GTF3C1: variants seen among roughly 807,000 people sequenced by gnomAD.
GTF3C1 encodes general transcription factor IIIC subunit 1.
In GTF3C1, 57 loss-of-function variants were observed where a neutral mutation model predicts 226.7. That is an observed-to-expected ratio of 0.25 (90% confidence interval 0.20 to 0.31). GTF3C1 has a LOEUF of 0.31. Among genes scored for constraint, GTF3C1 ranks in the 10% least tolerant of loss-of-function variants. The pLI is 1.00. For synonymous variants in GTF3C1, 1,090 were observed against 1,084.8 expected, an observed-to-expected ratio of 1.00 and a Z score of -0.09; for missense variants, 2,217 against 2,776.1, an observed-to-expected ratio of 0.80 and a Z score of 4.53.
At position 27,528,615 on chromosome 16, in the gene GTF3C1, G is replaced by T; in HGVS notation, c.956C>A (p.Pro319His). The stretch of plus-strand genomic sequence containing the variant: ...TGCATTACCTTTCTTTGTCTTACAA[G>T]GTCCACATTCAGGGTGGATCTCTTG... ...RLQEIHPECGPCKTKKGTDVM... is the reference protein window; with the variant it reads ...RLQEIHPECGHCKTKKGTDVM... Residue 319 changes from proline (P) to histidine (H), a missense_variant, in exon 6 of 37, where the codon CCT (proline) becomes CAT (histidine). Transcript: ENST00000356183. 1.2e-6 allele frequency: 2 copies of T among 1,612,648 alleles called. No individual in the cohort carries two copies. Among genetic ancestry groups the T allele is most frequent in the Non-Finnish European group, 1.7e-6 (2 of 1,178,700 alleles).
At position 27,506,981 on chromosome 16, in the gene GTF3C1, G is replaced by C; in HGVS notation, c.1418C>G (p.Thr473Ser). 6.2e-7 allele frequency: 1 copy of C among 1,613,798 alleles called. No individual in the cohort carries two copies. The highest frequency in any genetic ancestry group is 1.1e-5 in the South Asian group (1 of 91,052). ...EESLLPEGED[T>S]FLSESDSEEE... ...CTCACTGTCCGACTCAGAGAGGAAG[G>C]TGTCCTCGCCTTCAGGCAGAAGCGA... The change falls in exon 9 of 37, where the codon ACC becomes AGC. Residue 473 changes from threonine to serine, a missense_variant. By Grantham distance (58) the Thr-to-Ser change is moderately conservative. Around this residue, in one of 12 missense-constraint regions of GTF3C1, gnomAD observed 173 missense variants for 207.2 expected, o/e 0.83. Coordinates refer to ENST00000356183, the MANE Select transcript of GTF3C1 (RefSeq NM_001520.4).
intron 32 of GTF3C1, among the ~76,000 whole-genome samples, chr16:27,468,567 G>A (rs1474157823): frequency 1.3e-5 from 2 of 152,112 alleles, no homozygotes; most frequent in African/African-American, 4.8e-5. Context: ...AGCTATCATC[G>A]TGCCACTGCA....
intron 26 of GTF3C1, among the ~76,000 whole-genome samples, chr16:27,481,513 C>T (rs1161608786): frequency 6.6e-6 from 1 of 152,190 alleles, no homozygotes; most frequent in East Asian, 1.9e-4. Context: ...CCACACAGTG[C>T]TCCCTCACAG....
chr16:27,549,682 T>A lies in GTF3C1; in HGVS notation c.209A>T (p.Gln70Leu). 1 of 1,380,182 alleles carries A rather than the reference T, an allele frequency of 7.2e-7. No individual in the cohort carries two copies. The highest frequency in any genetic ancestry group is 9.7e-7 in the Non-Finnish European group (1 of 1,029,362). The allele number at this position is 1,380,182 out of a possible 1,614,324, so 85.5% of individuals were successfully genotyped here. ...YEEPRERPDL[Q>L]LQDRYEEIDL... is the part of the protein sequence containing the mutation. The stretch of plus-strand genomic sequence containing the variant: ...GCCGCCCGCTGACCGGTCCTGGAGC[T>A]GTAGGTCGGGTCGCTCCCGAGGCTC... The change falls in exon 1 of 37, where the codon CAG (glutamine) becomes CTG (leucine). Residue 70 changes from glutamine (Q) to leucine (L), a missense_variant. Transcript: ENST00000356183.
At position 27,549,664 on chromosome 16, in the gene GTF3C1, G is replaced by T; in HGVS notation, c.221+6C>A. On this transcript the variant is annotated splice_donor_region_variant and intron_variant, in intron 1 of 36. Coordinates refer to ENST00000356183, the MANE Select transcript of GTF3C1 (RefSeq NM_001520.4). ...GCCCGCCCGCCAGGCCAGGCCGCCC[G>T]CTGACCGGTCCTGGAGCTGTAGGTC... The T allele has an allele frequency of 3.0e-6, 2 of 667,734 alleles. No homozygotes were observed. The highest frequency in any genetic ancestry group is 2.3e-6 in the Non-Finnish European group (1 of 428,974). The allele number at this position is 667,734 out of a possible 1,614,324, so 41.4% of individuals were successfully genotyped here.
At chr16:27,530,441 A>G (rs575051564) in intron 5 of GTF3C1, among the ~76,000 whole-genome samples, 4 of 152,170 alleles carry the variant, frequency 2.6e-5, no homozygotes, top group African/African-American at 9.7e-5. Context: ...AGGGGCTGCC[A>G]TCAACGACGT....
chr16:27,513,471 A>G (rs540407696), intron 6 of GTF3C1, among the ~76,000 whole-genome samples: 164 of 152,280 alleles, frequency 1.1e-3, no homozygotes, highest in African/African-American at 3.9e-3. Flanking sequence ...AACACTGAAC[A>G]ACAACAACAA....
At chr16:27,483,164 C>G in intron 25 of GTF3C1, 39 bp from the exon 26 acceptor site, 1 of 1,573,950 alleles carries the variant, frequency 6.4e-7, no homozygotes, top group Non-Finnish European at 8.7e-7. Flanking sequence ...CTGGGAATTG[C>G]AATGATGCCC....
chr16:27,511,612 AC>A (rs1041738973), intron 7 of GTF3C1, 136 bp downstream of exon 7: 1 of 869,862 alleles, frequency 1.1e-6, no homozygotes, highest in African/African-American at 1.7e-5. Context: ...TGAAGCCTAA[AC>A]CCTTCTGGGG....
rs577732882 is a variant in GTF3C1 at position 27,513,462 on chromosome 16, A to C, written c.974-1561T>G. On this transcript the variant is annotated intron_variant, in intron 6 of 36. Coordinates refer to ENST00000356183, the MANE Select transcript of GTF3C1 (RefSeq NM_001520.4). ...GAGTGAGACCCTGTCTCAAAATAAA[A>C]CACTGAACAACAACAACAAAAAGTC... 5.3e-5 allele frequency among the ~76,000 whole-genome samples: 8 copies of C among 152,276 alleles called. No homozygotes were observed. The East Asian group carries it at 1.4e-3, about 26-fold the overall frequency.
chr16:27,498,993 GAC>G (rs1472333601), intron 12 of GTF3C1, among the ~76,000 whole-genome samples: 22 of 152,184 alleles, frequency 1.4e-4, no homozygotes, highest in Admixed American at 1.3e-3. Context: ...ATCTGGCCTG[GAC>G]ACAGAGCTGT....
At chr16:27,513,408 C>T (rs62029079) in intron 6 of GTF3C1, among the ~76,000 whole-genome samples, 12,363 of 152,122 alleles carry the variant, frequency 0.081, 622 homozygotes, top group African/African-American at 0.1. Context: ...GAGCCAAGCT[C>T]GCACCACTGC....
At chr16:27,495,160 C>A (rs753654829) in intron 15 of GTF3C1, 51 bp downstream of exon 15, 14 of 1,380,618 alleles carry the variant, frequency 1.0e-5, no homozygotes, top group Non-Finnish European at 1.3e-5. Context: ...TCCCTGGATC[C>A]TACTACTGGG....
In GTF3C1 at chr16:27,465,026, CTT is replaced by C. The variant is rs1394267294; in HGVS notation, c.5356-192_5356-191del. On this transcript the variant is annotated intron_variant, in intron 33 of 36. Transcript: ENST00000356183. Reference sequence around the variant, plus strand: ...AGCCCTGTGCCCTGGAGCAGCATCTCTTTCTCTCTGGCTGCTCGTGAACCACG... The same window carrying C: ...AGCCCTGTGCCCTGGAGCAGCATCTCTCTCTCTGGCTGCTCGTGAACCACG... Among the ~76,000 whole-genome samples, 11 of 152,338 alleles carry C rather than the reference CTT, an allele frequency of 7.2e-5. No homozygotes were observed. The East Asian group carries it at 9.6e-4, about 13-fold the overall frequency.
chr16:27,462,159 G>A lies in GTF3C1; in HGVS notation c.6117+135C>T. The A allele has an allele frequency of 1.6e-6, 1 of 645,158 alleles. No individual in the cohort carries two copies. The highest frequency in any genetic ancestry group is 2.7e-5 in the East Asian group (1 of 36,510). The allele number at this position is 645,158 out of a possible 1,614,324, so 40.0% of individuals were successfully genotyped here. A position where few individuals can be genotyped will look rare whatever the true frequency, so the allele number is the denominator to read the frequency against. On this transcript the variant is annotated intron_variant, in intron 36 of 36. Transcript: ENST00000356183. The surrounding 1 kb of genome is among the most constrained non-coding windows in gnomAD (Gnocchi z 4.5). ...GGACAGCCTGAGAGGCAGGAGCCCA[G>A]GACAAGCTGGGGGAGGAGGTGCAGG...
intron 19 of GTF3C1, 124 bp from the exon 20 acceptor site, chr16:27,489,867 G>T: frequency 1.1e-6 from 1 of 891,788 alleles, no homozygotes; most frequent in Non-Finnish European, 1.7e-6. Flanking sequence ...CCCGGCCACT[G>T]CGGGGGTCTG....
intron 16 of GTF3C1, among the ~76,000 whole-genome samples, chr16:27,493,793 T>C (rs890534603): frequency 2.0e-5 from 3 of 152,202 alleles, no homozygotes; most frequent in Non-Finnish European, 2.9e-5. Context: ...GAAAATATTA[T>C]GGTTAAATAA....
In GTF3C1 at chr16:27,514,625, C is replaced by T. The variant is rs141883269; in HGVS notation, c.974-2724G>A. Among the ~76,000 whole-genome samples, 52 of 152,230 alleles carry T rather than the reference C, an allele frequency of 3.4e-4. 1 individual carries two copies. Among genetic ancestry groups the T allele is most frequent in the African/African-American group, 1.0e-3 (43 of 41,530 alleles). ...CAACCTATGGCTCCTAATAACACTACGACCATTTATCCATTACTATATCCT... is the reference window on the plus strand; with the variant it reads ...CAACCTATGGCTCCTAATAACACTATGACCATTTATCCATTACTATATCCT... On this transcript the variant is annotated intron_variant, in intron 6 of 36. Transcript: ENST00000356183.
intron 25 of GTF3C1, among the ~76,000 whole-genome samples, chr16:27,483,793 C>T (rs1009107109): frequency 1.3e-5 from 2 of 152,194 alleles, no homozygotes; most frequent in African/African-American, 4.8e-5. Context: ...CCAATGATCC[C>T]AGGTCCTGCC....
Sources: allele counts gnomAD v4.1 joint callset (sites outside exome capture counted in the v4.1 genomes callset), GRCh38; gene constraint gnomAD v4.1.1; regional missense constraint gnomAD v4.1.1; non-coding constraint Gnocchi (gnomAD v3.1); transcripts MANE v1.5; gene names NCBI Gene and HGNC (gene_info 2026-07-23, HGNC 2026-07-21).